The following DYM variants were observed in gnomAD, a reference collection of about 807,000 sequenced individuals.
DYM encodes the protein dymeclin, also known as dyggve-Melchior-Clausen syndrome protein.
A neutral mutation model predicts 93.1 loss-of-function variants in DYM; 78 were observed. The observed-to-expected ratio is 0.84, with a 90% CI of 0.70 to 1.01. DYM has a LOEUF of 1.01. Ranked by LOEUF, DYM falls within the 50% of genes least tolerant of loss-of-function variation. DYM has a pLI of 0.00. For synonymous variants in DYM, 321 were observed against 319.7 expected, an observed-to-expected ratio of 1.00 and a Z score of -0.04; for missense variants, 789 against 845.0, an observed-to-expected ratio of 0.93 and a Z score of 0.82.
chr18:49,140,131 A>T (rs1433151820), intron 15 of DYM, among the ~76,000 whole-genome samples: 3 of 152,176 alleles, frequency 2.0e-5, no homozygotes, highest in African/African-American at 7.2e-5. Context: ...CATAAGTAAC[A>T]TAATAGTAAA....
intron 14 of DYM, among the ~76,000 whole-genome samples, chr18:49,172,328 CAT>C (rs932172255): frequency 2.0e-5 from 3 of 152,178 alleles, no homozygotes; most frequent in Admixed American, 6.5e-5. Context: ...TTTGTGTGAA[CAT>C]ATGTTTTCAT....
chr18:49,047,409 T>C (rs900997283), intron 17 of DYM, among the ~76,000 whole-genome samples: 8 of 152,238 alleles, frequency 5.3e-5, no homozygotes, highest in African/African-American at 1.2e-4. Flanking sequence ...TTAGCTGGGC[T>C]CTTTGGCCCA....
chr18:49,343,804 A>G (rs1388148229), intron 6 of DYM, among the ~76,000 whole-genome samples: 1 of 152,170 alleles, frequency 6.6e-6, no homozygotes, highest in Non-Finnish European at 1.5e-5. Context: ...TTTATGATTT[A>G]ACACTCTGCA....
chr18:49,224,822 G>A (rs980767088), intron 13 of DYM, among the ~76,000 whole-genome samples: 1 of 152,024 alleles, frequency 6.6e-6, no homozygotes. Context: ...CTAAGACAGG[G>A]TGACTTTGAG....
chr18:49,442,343 G>C (rs2081710626), intron 1 of DYM, among the ~76,000 whole-genome samples: 1 of 152,140 alleles, frequency 6.6e-6, no homozygotes, highest in South Asian at 2.1e-4. Flanking sequence ...CCAGGACTTG[G>C]AGATCAACCT....
intron 1 of DYM, among the ~76,000 whole-genome samples, chr18:49,454,907 CAAAAAAAAAAA>C (rs35671085): frequency 2.7e-5 from 2 of 73,232 alleles, no homozygotes; most frequent in Non-Finnish European, 5.3e-5. Flanking sequence ...GACTCTGTCT[CAAAAAAAAAAA>C]AAAAAAAAAA....
At position 49,379,705 on chromosome 18, in the gene DYM, AAAGGAAG is replaced by A; in HGVS notation, c.240_246del (p.Phe81LeufsTer6). On this transcript the variant is annotated frameshift_variant, in exon 4 of 18. Transcript: ENST00000675505. LOFTEE classifies it high-confidence loss of function. ...GAAAGTTTTAGTTCTTTGGTTCTAG[AAAGGAAG>A]ACCTTAATTAGTGCACCAAGATTTC... The A allele has an allele frequency of 6.2e-7, 1 of 1,613,408 alleles. No homozygotes were observed. Among genetic ancestry groups the A allele is most frequent in the Non-Finnish European group, 8.5e-7 (1 of 1,179,536 alleles).
intron 2 of DYM, among the ~76,000 whole-genome samples, chr18:49,418,321 T>G (rs76976969): frequency 6.6e-6 from 1 of 151,260 alleles, no homozygotes; most frequent in Non-Finnish European, 1.5e-5. Context: ...TTTAGAAACA[T>G]GTATAAAATC....
At chr18:49,217,576 C>T (rs754753212) in intron 13 of DYM, among the ~76,000 whole-genome samples, 2 of 152,182 alleles carry the variant, frequency 1.3e-5, no homozygotes, top group Non-Finnish European at 2.9e-5. Flanking sequence ...CTCCACAAGC[C>T]AGAAGAGAGT....
intron 16 of DYM, among the ~76,000 whole-genome samples, chr18:49,100,529 A>G (rs1326273140): frequency 6.6e-6 from 1 of 152,156 alleles, no homozygotes; most frequent in Non-Finnish European, 1.5e-5. Context: ...TGGGTTTCCA[A>G]CTAAATTCCT....
chr18:49,255,855 T>C (rs147359843), intron 13 of DYM, among the ~76,000 whole-genome samples: 217 of 152,072 alleles, frequency 1.4e-3, no homozygotes, highest in Non-Finnish European at 2.5e-3. Flanking sequence ...CACTTATGAC[T>C]GGTTAGTTAG....
intron 13 of DYM, among the ~76,000 whole-genome samples, chr18:49,240,725 A>G (rs947846285): frequency 6.6e-6 from 1 of 152,156 alleles, no homozygotes; most frequent in African/African-American, 2.4e-5. Flanking sequence ...ATGCTATTCC[A>G]TCAGAAAAGT....
chr18:49,108,107 G>A (rs540598386), intron 16 of DYM, among the ~76,000 whole-genome samples: 155 of 152,310 alleles, frequency 1.0e-3, no homozygotes, highest in Middle Eastern at 3.4e-3. Context: ...TGGCAATGGC[G>A]GATGCCCCTC....
intron 15 of DYM, among the ~76,000 whole-genome samples, chr18:49,145,134 T>TATATATATATATATATATATGA: frequency 1.3e-5 from 1 of 79,574 alleles, no homozygotes; most frequent in Non-Finnish European, 2.5e-5. Context: ...TATATATATA[T>TATATATATATATATATATATGA]AATTTATATA....
At chr18:49,287,437 G>C (rs1426609735) in intron 8 of DYM, among the ~76,000 whole-genome samples, 1 of 151,280 alleles carries the variant, frequency 6.6e-6, no homozygotes, top group Non-Finnish European at 1.5e-5. Context: ...ATTCATAGTG[G>C]TCAAACATTG....
chr18:49,092,623 G>A (rs146805131), intron 17 of DYM, among the ~76,000 whole-genome samples: 5 of 152,272 alleles, frequency 3.3e-5, no homozygotes, highest in Admixed American at 6.5e-5. Flanking sequence ...GTAAAATAAC[G>A]AGCTGCAGTA....
chr18:49,168,635 A>C (rs1390526449), intron 14 of DYM, among the ~76,000 whole-genome samples: 5 of 152,190 alleles, frequency 3.3e-5, no homozygotes, highest in Non-Finnish European at 7.3e-5. Flanking sequence ...GTGAGAAGCT[A>C]ATTCTTACAA....
intron 13 of DYM, among the ~76,000 whole-genome samples, chr18:49,213,799 T>A (rs1047246307): frequency 1.3e-5 from 2 of 152,064 alleles, no homozygotes; most frequent in Admixed American, 6.5e-5. Context: ...GATTAAAAAA[T>A]ACCAAGAAAT....
intron 14 of DYM, among the ~76,000 whole-genome samples, chr18:49,185,370 G>A (rs903707458): frequency 6.6e-6 from 1 of 152,158 alleles, no homozygotes; most frequent in Admixed American, 6.5e-5. Context: ...TGTAAAATGA[G>A]AATTACTGTA....
Sources: gnomAD v4.1 joint callset for allele counts (sites outside exome capture counted in the v4.1 genomes callset) on GRCh38, gnomAD v4.1.1 for gene constraint, MANE v1.5 for transcripts, NCBI Gene and HGNC (gene_info 2026-07-23, HGNC 2026-07-21) for gene names.